Variants in ACOT1 observed in about 807,000 individuals in gnomAD.
ACOT1 encodes the protein acyl-coenzyme A thioesterase 1.
A neutral mutation model predicts 15.7 loss-of-function variants in ACOT1; 8 were observed. The ratio of observed to expected loss-of-function variants is 0.51; its 90% CI spans 0.30 to 0.92. The LOEUF (loss-of-function observed/expected upper bound fraction) is 0.92, where lower values mean the gene tolerates loss of function less well. Among genes scored for constraint, ACOT1 ranks in the 40% least tolerant of loss-of-function variants. The probability of loss-of-function intolerance (pLI) is 0.06; values close to 1 mark genes in which losing one functional copy is unlikely to be tolerated. For missense variants in ACOT1, 151 were observed against 539.4 expected (o/e 0.28, Z 7.13); for synonymous variants, 67 against 241.2 (o/e 0.28, Z 6.69).
the ACOT1 span, chr14:73,514,250 G>T: frequency 6.2e-7 from 1 of 1,610,386 alleles, no homozygotes; most frequent in East Asian, 2.2e-5. Context: ...CAACGTGGCA[G>T]TGTGAGGTCT....
At chr14:73,498,165 C>G in the ACOT1 span, 4 of 1,611,300 alleles carry the variant, frequency 2.5e-6, no homozygotes, top group Non-Finnish European at 2.5e-6. Context: ...TTTAGAACAG[C>G]ATCGTGGTTC....
upstream of ACOT1, among the ~76,000 whole-genome samples, chr14:73,535,974 G>T (rs1262784676): frequency 8.6e-6 from 1 of 115,800 alleles, no homozygotes; most frequent in African/African-American, 2.8e-5. Flanking sequence ...TACGGTTCTT[G>T]TAAGTATTAA....
chr14:73,531,886 G>C, the ACOT1 span, among the ~76,000 whole-genome samples: 110 of 113,502 alleles, frequency 9.7e-4, 22 homozygotes, highest in African/African-American at 2.4e-3. Context: ...AAGAAAATCA[G>C]CTGGGCCTGG....
chr14:73,508,344 C>A, the ACOT1 span: 1 of 1,571,196 alleles, frequency 6.4e-7, no homozygotes, highest in East Asian at 2.2e-5. Flanking sequence ...TGTTTTCCCC[C>A]TAGAGAACAG....
the ACOT1 span, among the ~76,000 whole-genome samples, chr14:73,493,773 G>C: frequency 6.6e-6 from 1 of 152,304 alleles, no homozygotes; most frequent in South Asian, 2.1e-4. Context: ...GGGAGGTGGA[G>C]GTTGCAGTGA....
At chr14:73,542,598 G>T (rs1452605590) in intron 2 of ACOT1, among the ~76,000 whole-genome samples, 1 of 106,144 alleles carries the variant, frequency 9.4e-6, no homozygotes, top group Non-Finnish European at 2.0e-5. Context: ...TAGAGACAGG[G>T]TTTCACCATA....
the ACOT1 span, among the ~76,000 whole-genome samples, chr14:73,515,637 G>A: frequency 7.8e-6 from 1 of 128,382 alleles, no homozygotes; most frequent in African/African-American, 3.0e-5. Context: ...CTGAGATCGC[G>A]CTCCAACCTG....
chr14:73,505,818 C>T, the ACOT1 span, among the ~76,000 whole-genome samples: 484 of 149,106 alleles, frequency 3.2e-3, 13 homozygotes, highest in East Asian at 0.057. Flanking sequence ...CCAATTTTGG[C>T]GGGGGGGAAA....
the ACOT1 span, chr14:73,514,309 T>C: frequency 1.5e-6 from 2 of 1,361,258 alleles, no homozygotes; most frequent in Non-Finnish European, 2.0e-6. Context: ...CCAGCTTGCA[T>C]CCCATTCCTA....
chr14:73,519,192 C>T, the ACOT1 span: 1 of 1,588,414 alleles, frequency 6.3e-7, no homozygotes, highest in Non-Finnish European at 8.6e-7. Context: ...ACAATGAGTC[C>T]CCTATAACCT....
the ACOT1 span, chr14:73,499,107 C>G: frequency 6.2e-7 from 1 of 1,614,140 alleles, no homozygotes; most frequent in Non-Finnish European, 8.5e-7. Flanking sequence ...CAGTAAGGAT[C>G]TCTCTGCATC....
At chr14:73,501,597 A>G in the ACOT1 span, among the ~76,000 whole-genome samples, 20,525 of 110,886 alleles carry the variant, frequency 0.19, 1,892 homozygotes, top group Middle Eastern at 0.41. Flanking sequence ...TTTTTGAGAT[A>G]GGGTCTTTCT....
intron 1 of ACOT1, among the ~76,000 whole-genome samples, chr14:73,540,726 G>A (rs189775485): frequency 5.9e-4 from 68 of 115,406 alleles, no homozygotes; most frequent in African/African-American, 1.9e-3. Flanking sequence ...AGTGTTGCCT[G>A]TAAGGTGTTT....
chr14:73,498,109 G>A, the ACOT1 span: 14 of 1,527,550 alleles, frequency 9.2e-6, no homozygotes, highest in South Asian at 1.2e-5. Flanking sequence ...AGATGTGAGA[G>A]TTGGCAGTAT....
chr14:73,490,994 G>A, the ACOT1 span: 2 of 1,351,828 alleles, frequency 1.5e-6, no homozygotes, highest in Non-Finnish European at 1.9e-6. Flanking sequence ...CCGGCCGGGC[G>A]GGGAAGACTG....
chr14:73,515,711 A>C, the ACOT1 span, among the ~76,000 whole-genome samples: 1 of 121,220 alleles, frequency 8.2e-6, no homozygotes. Flanking sequence ...GTCCTGTGAG[A>C]CTCCAGGGCA....
At chr14:73,492,298 C>T in the ACOT1 span, 4 of 1,614,046 alleles carry the variant, frequency 2.5e-6, no homozygotes, top group Non-Finnish European at 3.4e-6. This position sits in a 1 kb window ranked among gnomAD's most constrained non-coding sequence, Gnocchi z 4.9. Flanking sequence ...AGCGCAATAC[C>T]TGGGGTGACT....
chr14:73,495,134 C>T, the ACOT1 span: 2 of 1,098,596 alleles, frequency 1.8e-6, no homozygotes, highest in African/African-American at 1.6e-5. Flanking sequence ...CTCTTTCATC[C>T]TCTAAGGCTT....
chr14:73,517,680 AAG>A, the ACOT1 span, among the ~76,000 whole-genome samples: 139 of 147,112 alleles, frequency 9.4e-4, 2 homozygotes, highest in East Asian at 3.3e-3. Context: ...AAAAAAAAAA[AAG>A]AAGAAGAAAA....
Sources: gnomAD v4.1 joint callset for allele counts (sites outside exome capture counted in the v4.1 genomes callset) on GRCh38, gnomAD v4.1.1 for gene constraint, Gnocchi (gnomAD v3.1) non-coding constraint, MANE v1.5 for transcripts, NCBI Gene and HGNC (gene_info 2026-07-23, HGNC 2026-07-21) for gene names.